The following MTBP variants were observed in gnomAD, a reference collection of about 807,000 sequenced individuals.
MTBP encodes the protein MDM2 binding protein, also known as mdm2-binding protein.
MTBP carries 101 observed loss-of-function variants against 117.0 expected under a neutral mutation model. The observed-to-expected ratio is 0.86, with a 90% confidence interval of 0.73 to 1.02. MTBP has a LOEUF of 1.02. Ranked by LOEUF, MTBP falls within the 50% of genes least tolerant of loss-of-function variation. The probability of loss-of-function intolerance (pLI) is 0.00; values close to 1 mark genes in which losing one functional copy is unlikely to be tolerated. For synonymous variants in MTBP, 350 were observed against 351.5 expected (o/e 1.00, Z 0.05); for missense variants, 970 against 1,030.9 (o/e 0.94, Z 0.81).
intron 9 of MTBP, 29 bp downstream of exon 9, chr8:120,461,284 G>T: frequency 6.9e-7 from 1 of 1,444,758 alleles, no homozygotes; most frequent in Non-Finnish European, 9.7e-7. Flanking sequence ...GTTCATTTTA[G>T]ATTACATTTT....
chr8:120,501,805 T>G (rs1814593291), intron 14 of MTBP, among the ~76,000 whole-genome samples: 1 of 152,152 alleles, frequency 6.6e-6, no homozygotes, highest in Non-Finnish European at 1.5e-5. Flanking sequence ...TTATAATAAT[T>G]TCTAATAAGA....
At chr8:120,520,936 T>C (rs2130625123) in intron 20 of MTBP, among the ~76,000 whole-genome samples, 1 of 152,230 alleles carries the variant, frequency 6.6e-6, no homozygotes, top group East Asian at 1.9e-4. Context: ...TATTTTACCC[T>C]TTTGAGGAAT....
At chr8:120,481,446 TC>T (rs1298533356) in intron 11 of MTBP, among the ~76,000 whole-genome samples, 1 of 99,552 alleles carries the variant, frequency 1.0e-5, no homozygotes, top group Non-Finnish European at 2.7e-5. Flanking sequence ...GGTGAAGAGA[TC>T]ATTTTTTTTT....
At chr8:120,493,617 A>G (rs562563738) in intron 13 of MTBP, among the ~76,000 whole-genome samples, 18 of 152,026 alleles carry the variant, frequency 1.2e-4, no homozygotes, top group Non-Finnish European at 2.1e-4. Context: ...CAGCCTCCCA[A>G]GTAGCTAGCA....
chr8:120,521,499 C>G (rs1388609382), intron 20 of MTBP, among the ~76,000 whole-genome samples: 1 of 152,062 alleles, frequency 6.6e-6, no homozygotes, highest in Non-Finnish European at 1.5e-5. Context: ...TCAGTTCTCC[C>G]TAACATCAGT....
chr8:120,469,840 C>T (rs775616981), intron 10 of MTBP, among the ~76,000 whole-genome samples: 4 of 152,128 alleles, frequency 2.6e-5, no homozygotes, highest in Admixed American at 1.3e-4. Context: ...ACCACAATTA[C>T]GTTTGCACCA....
At chr8:120,484,552 G>A (rs1024546069) in intron 11 of MTBP, among the ~76,000 whole-genome samples, 3 of 152,088 alleles carry the variant, frequency 2.0e-5, no homozygotes, top group Admixed American at 2.0e-4. Context: ...TATTTGCTGT[G>A]TGGTTGTCTA....
At chr8:120,482,919 T>A (rs1419653302) in intron 11 of MTBP, among the ~76,000 whole-genome samples, 3 of 152,056 alleles carry the variant, frequency 2.0e-5, no homozygotes, top group Non-Finnish European at 4.4e-5. Context: ...CAGGATGGTC[T>A]TGATCTCCTG....
chr8:120,505,202 T>C (rs956450867), intron 15 of MTBP, among the ~76,000 whole-genome samples: 29 of 152,244 alleles, frequency 1.9e-4, no homozygotes, highest in African/African-American at 7.0e-4. Flanking sequence ...TTTAGTCCTG[T>C]TCCCCACGTC....
chr8:120,447,005 C>T (rs935059407), intron 2 of MTBP, among the ~76,000 whole-genome samples: 24 of 152,070 alleles, frequency 1.6e-4, no homozygotes, highest in African/African-American at 5.8e-4. Flanking sequence ...GCTTTTTTGA[C>T]CAACCGTACT....
Position 120,521,668 on chromosome 8 carries a change from TA to T in MTBP, c.2611-983del, listed in dbSNP as rs143924465. On this transcript the variant is annotated intron_variant, in intron 20 of 21. Coordinates refer to ENST00000305949, the MANE Select transcript of MTBP (RefSeq NM_022045.5). ...AACAGATAACTGCTTCTTATCTTTT[TA>T]AATACAATTCCATTTCTTTTACTTT... Among the ~76,000 whole-genome samples, 781 of 152,356 alleles carry T rather than the reference TA, an allele frequency of 5.1e-3. 8 individuals are homozygous for T. The highest frequency in any genetic ancestry group is 0.017 in the African/African-American group (695 of 41,594).
intron 8 of MTBP, among the ~76,000 whole-genome samples, chr8:120,459,735 G>C (rs1813544855): frequency 6.6e-6 from 1 of 151,974 alleles, no homozygotes; most frequent in Non-Finnish European, 1.5e-5. Flanking sequence ...TATAACCTTG[G>C]GTAGATTGAT....
At chr8:120,467,034 A>G (rs4567082) in intron 10 of MTBP, among the ~76,000 whole-genome samples, 145,020 of 152,302 alleles carry the variant, frequency 0.95, 69,057 homozygotes, top group East Asian at 1. Context: ...CTTAAATTCT[A>G]TTGCTTTGTG....
rs1263076991 is a variant in MTBP, at chr8:120,445,466, A to G, written c.-5A>G. 2.5e-6 allele frequency: 4 copies of G among 1,611,668 alleles called. No individual in the cohort carries two copies. The highest frequency in any genetic ancestry group is 3.4e-6 in the Non-Finnish European group (4 of 1,178,554). On this transcript the variant is annotated 5_prime_UTR_variant, in exon 1 of 22. Transcript: ENST00000305949. ...ACCTAAAGTTGGGGGGTGATCTCTG[A>G]GGAGATGGATCGGTACCTGCTGCTG...
intron 13 of MTBP, among the ~76,000 whole-genome samples, chr8:120,495,522 T>C (rs547953649): frequency 2.0e-4 from 31 of 152,128 alleles, no homozygotes; most frequent in Non-Finnish European, 4.3e-4. Context: ...TTTATCTTTT[T>C]AATAATTTTC....
Position 120,488,253 on chromosome 8 carries a change from A to T in MTBP, c.1260A>T (p.Ser420=). Residue 420 remains serine, a synonymous_variant, in exon 12 of 22, where the codon TCA becomes TCT. Coordinates refer to ENST00000305949, the MANE Select transcript of MTBP (RefSeq NM_022045.5). ...NRRCKATLIH[S]ANQINGSFAL... ...GATGTAAAGCCACATTGATTCACTC[A>T]GCCAACCAGATCAATGGCTCATTTG... 1 of 1,591,770 alleles carries T rather than the reference A, an allele frequency of 6.3e-7. No individual in the cohort carries two copies. The highest frequency in any genetic ancestry group is 2.3e-5 in the East Asian group (1 of 43,238).
chr8:120,517,836 T>C lies in MTBP; in HGVS notation c.2247-15T>C, dbSNP rs1315593084. Reference sequence around the variant, plus strand: ...GCTTAATCTACGTTCTTGATTTTTTTCCCCTGCTATATAGACTTGTGAAAT... The same window carrying C: ...GCTTAATCTACGTTCTTGATTTTTTCCCCCTGCTATATAGACTTGTGAAAT... On this transcript the variant is annotated splice_polypyrimidine_tract_variant and intron_variant, in intron 18 of 21. Transcript: ENST00000305949. 1.3e-6 allele frequency: 2 copies of C among 1,596,690 alleles called. No individual in the cohort carries two copies. The highest frequency in any genetic ancestry group is 8.5e-7 in the Non-Finnish European group (1 of 1,171,120).
intron 11 of MTBP, among the ~76,000 whole-genome samples, chr8:120,484,250 A>G (rs1814162308): frequency 6.6e-6 from 1 of 152,194 alleles, no homozygotes; most frequent in South Asian, 2.1e-4. Flanking sequence ...AATTTCTAAT[A>G]AAACTGGTAA....
intron 20 of MTBP, among the ~76,000 whole-genome samples, chr8:120,521,455 A>G (rs779205670): frequency 7.9e-5 from 12 of 152,202 alleles, no homozygotes; most frequent in Non-Finnish European, 1.8e-4. Context: ...TTTGTGTACG[A>G]GACCTGAATC....
Sources: gnomAD v4.1 joint callset for allele counts (sites outside exome capture counted in the v4.1 genomes callset) on GRCh38, gnomAD v4.1.1 for gene constraint, MANE v1.5 for transcripts, NCBI Gene and HGNC (gene_info 2026-07-23, HGNC 2026-07-21) for gene names.